The following WDR1 variants were observed in gnomAD, a reference collection of about 807,000 sequenced individuals.
WDR1 encodes WD repeat domain 1.
In WDR1, 21 loss-of-function variants were observed where a neutral mutation model predicts 71.9. The observed-to-expected ratio is 0.29, with a 90% confidence interval of 0.21 to 0.42. The LOEUF (loss-of-function observed/expected upper bound fraction) is 0.42, where lower values mean the gene tolerates loss of function less well. Ranked by LOEUF, WDR1 falls within the 10% of genes least tolerant of loss-of-function variation. The pLI, the probability that WDR1 is intolerant of heterozygous loss-of-function variation, is 1.00. For missense variants in WDR1, 696 were observed against 824.5 expected (o/e 0.84, Z 1.91); for synonymous variants, 424 against 347.4 (o/e 1.22, Z -2.45).
At chr4:10,080,533 G>T (rs565961299) in intron 11 of WDR1, among the ~76,000 whole-genome samples, 12 of 152,326 alleles carry the variant, frequency 7.9e-5, no homozygotes, top group African/African-American at 2.9e-4. Flanking sequence ...TGTCCCTAAC[G>T]CAATTAAGTT....
intron 3 of WDR1, among the ~76,000 whole-genome samples, chr4:10,101,726 G>A (rs538957818): frequency 2.1e-4 from 32 of 152,346 alleles, no homozygotes; most frequent in Non-Finnish European, 4.4e-4. Flanking sequence ...GCCTGGGCCC[G>A]CAGGTTCTCA....
At chr4:10,113,788 A>G (rs1713537449) in intron 2 of WDR1, among the ~76,000 whole-genome samples, 1 of 152,270 alleles carries the variant, frequency 6.6e-6, no homozygotes, top group Admixed American at 6.5e-5. Flanking sequence ...AATGTGGCGC[A>G]GTAGCGAAGC....
At chr4:10,099,171 A>AG in intron 3 of WDR1, 32 bp from the exon 4 acceptor site, 5 of 109,752 alleles carry the variant, frequency 4.6e-5, no homozygotes, top group East Asian at 1.8e-4. Flanking sequence ...GGAGGGGGGG[A>AG]GGCGGTGGTG....
At chr4:10,097,292 C>G (rs981593164) in intron 5 of WDR1, among the ~76,000 whole-genome samples, 6 of 152,280 alleles carry the variant, frequency 3.9e-5, no homozygotes, top group Non-Finnish European at 5.9e-5. Context: ...TCACTGCCCT[C>G]ACTGTCTCTA....
At position 10,088,654 on chromosome 4, in the gene WDR1, C is replaced by T; in HGVS notation, c.636+10G>A. ...CCATTCCCCACCCCAAAACCCATCCCAGTTCTTACCTGGCCGTCAGCACTG... is the reference window on the plus strand; with the variant it reads ...CCATTCCCCACCCCAAAACCCATCCTAGTTCTTACCTGGCCGTCAGCACTG... On this transcript the variant is annotated intron_variant, in intron 6 of 14. Transcript: ENST00000499869. 6.3e-7 allele frequency: 1 copy of T among 1,598,012 alleles called. No homozygotes were observed. Among genetic ancestry groups the T allele is most frequent in the South Asian group, 1.1e-5 (1 of 88,000 alleles).
chr4:10,093,458 C>A (rs558411318), intron 5 of WDR1, among the ~76,000 whole-genome samples: 1 of 152,258 alleles, frequency 6.6e-6, no homozygotes, highest in African/African-American at 2.4e-5. Context: ...AGCAAACTTC[C>A]CTGCAAAGTG....
At chr4:10,086,961 C>A (rs545054623) in intron 8 of WDR1, among the ~76,000 whole-genome samples, 1 of 152,062 alleles carries the variant, frequency 6.6e-6, no homozygotes, top group South Asian at 2.1e-4. Flanking sequence ...TGTCCAGCTG[C>A]GAGATTCCCA....
chr4:10,088,753 C>T lies in WDR1; in HGVS notation c.559-12G>A. ...AAGCGGCTGTGGTCCTGCAGGAAAA[C>T]AATTACCTGCCTGATGAGGGGCCGC... On this transcript the variant is annotated splice_polypyrimidine_tract_variant and intron_variant, in intron 5 of 14. Coordinates refer to ENST00000499869, the MANE Select transcript of WDR1 (RefSeq NM_017491.5). The T allele has an allele frequency of 1.3e-6, 2 of 1,582,522 alleles. No individual in the cohort carries two copies. The highest frequency in any genetic ancestry group is 1.7e-6 in the Non-Finnish European group (2 of 1,163,086).
intron 5 of WDR1, chr4:10,092,766 C>T: frequency 3.5e-6 from 1 of 288,276 alleles, no homozygotes. Flanking sequence ...GGCCAGTGAA[C>T]AAAGAGGGAG....
In WDR1 at chr4:10,099,126, C is replaced by A. The variant is rs770276594; in HGVS notation, c.243G>T (p.Lys81Asn). The A allele has an allele frequency of 1.2e-5, 18 of 1,511,082 alleles. No individual in the cohort carries two copies. In the Admixed American group the frequency reaches 2.1e-4, roughly 18 times the overall value. The allele number at this position is 1,511,082 out of a possible 1,614,324, so 93.6% of individuals were successfully genotyped here. ...FYIASGDVSG[K>N]LRIWDTTQKE... Reference sequence around the variant, plus strand: ...TCTGCGTGGTATCCCAGATCCTCAGCTTCCCAGACACATCTGTGGGGCACA... The same window carrying A: ...TCTGCGTGGTATCCCAGATCCTCAGATTCCCAGACACATCTGTGGGGCACA... Residue 81 changes from lysine (K) to asparagine (N), a missense_variant, in exon 4 of 15, where the codon AAG becomes AAT. Lys to Asn is a moderately conservative substitution (Grantham distance 94). Coordinates refer to ENST00000499869, the MANE Select transcript of WDR1 (RefSeq NM_017491.5).
chr4:10,088,227 G>A (rs1711715833), intron 7 of WDR1, 66 bp downstream of exon 7: 1 of 1,437,062 alleles, frequency 7.0e-7, no homozygotes, highest in Non-Finnish European at 9.6e-7. Flanking sequence ...GAGTGAGTGT[G>A]GATGGACTGA....
chr4:10,103,208 T>C (rs765579656), intron 3 of WDR1, among the ~76,000 whole-genome samples: 39 of 151,878 alleles, frequency 2.6e-4, no homozygotes, highest in Non-Finnish European at 4.6e-4. Flanking sequence ...AGCATTGTGG[T>C]AGCACTGGGA....
chr4:10,098,348 T>C (rs545701156), intron 4 of WDR1, among the ~76,000 whole-genome samples: 9 of 152,274 alleles, frequency 5.9e-5, no homozygotes, highest in South Asian at 2.1e-4. Context: ...TGAGAAGCCA[T>C]GGAAAAACAC....
At chr4:10,093,213 C>T (rs1193745884) in intron 5 of WDR1, 2 of 1,215,238 alleles carry the variant, frequency 1.6e-6, no homozygotes, top group African/African-American at 1.6e-5. Context: ...ACCCCATTCC[C>T]CCCAGCCTCA....
chr4:10,116,143 A>G lies in WDR1; in HGVS notation c.108T>C (p.Asn36=). ...TGTTCCTTAGGATGACGCACTTTCC[A>G]TTGGTGTACAGAAAATTGTTGCCCT... is the stretch of plus-strand genomic sequence containing the variant. The part of the protein sequence containing the change: ...DPKGNNFLYT[N]GKCVILRNID... The change falls in exon 2 of 15, where the codon AAT becomes AAC. Residue 36 remains asparagine, a synonymous_variant. Coordinates refer to ENST00000499869, the MANE Select transcript of WDR1 (RefSeq NM_017491.5). 1 of 1,613,708 alleles carries G rather than the reference A, an allele frequency of 6.2e-7. No homozygotes were observed. Among genetic ancestry groups the G allele is most frequent in the Non-Finnish European group, 8.5e-7 (1 of 1,179,792 alleles).
chr4:10,115,270 G>A (rs149999041), intron 2 of WDR1, among the ~76,000 whole-genome samples: 3 of 152,348 alleles, frequency 2.0e-5, no homozygotes, highest in East Asian at 1.9e-4. Flanking sequence ...ACCCAGGAAG[G>A]GAGGGAGACT....
rs371374500 is a variant in WDR1 at position 10,103,838 on chromosome 4, G to A, written c.229+58C>T. 9 of 1,483,598 alleles carry A rather than the reference G, an allele frequency of 6.1e-6. No individual in the cohort carries two copies. In the South Asian group the frequency reaches 1.1e-4, roughly 18 times the overall value. The allele number at this position is 1,483,598 out of a possible 1,614,324, so 91.9% of individuals were successfully genotyped here. The stretch of plus-strand genomic sequence containing the variant: ...GGCCAGAAGCCCAGCTTCGCCCTGG[G>A]CCCTGAGCGCCACCCAGGCCCCCAC... On this transcript the variant is annotated intron_variant, in intron 3 of 14. Transcript: ENST00000499869.
chr4:10,114,892 G>T (rs538092573), intron 2 of WDR1, among the ~76,000 whole-genome samples: 1 of 152,220 alleles, frequency 6.6e-6, no homozygotes, highest in African/African-American at 2.4e-5. Context: ...GAACAGCAGC[G>T]ACTGCCTGGG....
Position 10,112,182 on chromosome 4 carries a change from T to C in WDR1, c.138+3931A>G, listed in dbSNP as rs116615514. On this transcript the variant is annotated intron_variant, in intron 2 of 14. Transcript: ENST00000499869. The stretch of plus-strand genomic sequence containing the variant: ...TCACAAACAGGTTCGTTCACAGCCA[T>C]TGGGGGTGACCCTTCCCAGTCTTTG... Among the ~76,000 whole-genome samples the C allele has an allele frequency of 8.4e-3, 1,274 of 152,142 alleles. 19 individuals carry two copies. The highest frequency in any genetic ancestry group is 0.02 in the Middle Eastern group (6 of 294).
Sources: gnomAD v4.1 joint callset for allele counts (sites outside exome capture counted in the v4.1 genomes callset) on GRCh38, gnomAD v4.1.1 for gene constraint, MANE v1.5 for transcripts, NCBI Gene and HGNC (gene_info 2026-07-23, HGNC 2026-07-21) for gene names.